FARS2: variants seen among roughly 807,000 people sequenced by gnomAD.
FARS2 encodes the protein phenylalanine--tRNA ligase, mitochondrial.
In FARS2, 40 loss-of-function variants were observed where a neutral mutation model predicts 46.4. The observed-to-expected ratio is 0.86, with a 90% CI of 0.67 to 1.12. The LOEUF (loss-of-function observed/expected upper bound fraction) is 1.12, where lower values mean the gene tolerates loss of function less well. Ranked by LOEUF, FARS2 falls within the 50% of genes most tolerant of loss-of-function variation. The pLI, the probability that FARS2 is intolerant of heterozygous loss-of-function variation, is 0.00. For synonymous variants in FARS2, 234 were observed against 214.9 expected, an observed-to-expected ratio of 1.09 and a Z score of -0.78; for missense variants, 513 against 567.9, an observed-to-expected ratio of 0.90 and a Z score of 0.98.
intron 6 of FARS2, among the ~76,000 whole-genome samples, chr6:5,627,322 C>A (rs1199001297): frequency 6.6e-6 from 1 of 152,178 alleles, no homozygotes; most frequent in Non-Finnish European, 1.5e-5. Flanking sequence ...CTTTTCTTTG[C>A]TTTCACTTTC....
rs552193461 is a variant in FARS2 at position 5,666,869 on chromosome 6, C to G, written c.1217+53549C>G. Reference sequence around the variant, plus strand: ...TAAAGAAAATGTGGTACATATGCACCGTGGAATACTATGCAACCATACAAA... The same window carrying G: ...TAAAGAAAATGTGGTACATATGCACGGTGGAATACTATGCAACCATACAAA... On this transcript the variant is annotated intron_variant, in intron 6 of 6. Transcript: ENST00000274680. Among the ~76,000 whole-genome samples, 7 of 152,266 alleles carry G rather than the reference C, an allele frequency of 4.6e-5. No individual in the cohort carries two copies. The East Asian group carries it at 1.4e-3, about 29-fold the overall frequency.
intron 4 of FARS2, among the ~76,000 whole-genome samples, chr6:5,435,630 C>T (rs1028189918): frequency 2.0e-4 from 31 of 152,080 alleles, no homozygotes; most frequent in African/African-American, 7.2e-4. Context: ...TACTGAGTCA[C>T]GTCCCCAAAT....
At chr6:5,749,297 G>A (rs1761814072) in intron 6 of FARS2, among the ~76,000 whole-genome samples, 1 of 152,236 alleles carries the variant, frequency 6.6e-6, no homozygotes, top group African/African-American at 2.4e-5. Context: ...GGACAGGCAG[G>A]CTGGCTAAGC....
intron 4 of FARS2, among the ~76,000 whole-genome samples, chr6:5,539,153 C>T (rs1770406705): frequency 6.6e-6 from 1 of 151,914 alleles, no homozygotes; most frequent in Non-Finnish European, 1.5e-5. Context: ...GCCTTCCTTT[C>T]CCCCATCAAC....
chr6:5,448,490 C>A (rs1362071069), intron 4 of FARS2, among the ~76,000 whole-genome samples: 22 of 145,156 alleles, frequency 1.5e-4, no homozygotes, highest in Admixed American at 7.6e-4. Flanking sequence ...TTTTCACTTA[C>A]AGTGTATTTT....
chr6:5,606,122 A>G (rs1359923073), intron 5 of FARS2, among the ~76,000 whole-genome samples: 1 of 152,056 alleles, frequency 6.6e-6, no homozygotes, highest in African/African-American at 2.4e-5. Context: ...GGAATGGCAG[A>G]GAAGTAGGGC....
At chr6:5,573,169 G>C (rs1215121718) in intron 5 of FARS2, among the ~76,000 whole-genome samples, 1 of 152,154 alleles carries the variant, frequency 6.6e-6, no homozygotes. Context: ...AGTCTCTGTT[G>C]TGATACAGAC....
chr6:5,272,515 C>T (rs1581661840), intron 1 of FARS2: 1 of 151,794 alleles, frequency 6.6e-6, no homozygotes, highest in Admixed American at 6.6e-5. Context: ...GTCTCAGATT[C>T]TTTTATTTAT....
At chr6:5,758,210 T>A (rs887115774) in intron 6 of FARS2, among the ~76,000 whole-genome samples, 3 of 151,970 alleles carry the variant, frequency 2.0e-5, no homozygotes, top group Non-Finnish European at 2.9e-5. Context: ...TTTTTTTTTT[T>A]AAAGAATTTT....
chr6:5,514,236 A>G (rs985058191), intron 4 of FARS2, among the ~76,000 whole-genome samples: 1 of 152,194 alleles, frequency 6.6e-6, no homozygotes, highest in Non-Finnish European at 1.5e-5. Context: ...CCACCTAGTT[A>G]AAGCAAGTTT....
chr6:5,440,691 T>C (rs978702991), intron 4 of FARS2, among the ~76,000 whole-genome samples: 3 of 152,188 alleles, frequency 2.0e-5, no homozygotes, highest in South Asian at 2.1e-4. Flanking sequence ...TTTGTTGTTA[T>C]TGTTTTTTAG....
chr6:5,763,960 A>G (rs969175215), intron 6 of FARS2, among the ~76,000 whole-genome samples: 1 of 152,002 alleles, frequency 6.6e-6, no homozygotes, highest in Non-Finnish European at 1.5e-5. Context: ...GTCAGAGTCC[A>G]AACTCTGAGG....
At chr6:5,668,524 G>C (rs951633085) in intron 6 of FARS2, among the ~76,000 whole-genome samples, 1 of 152,148 alleles carries the variant, frequency 6.6e-6, no homozygotes, top group African/African-American at 2.4e-5. Flanking sequence ...TTGAGGTTTA[G>C]ATGTTTTTTA....
At position 5,469,253 on chromosome 6, in the gene FARS2, G is replaced by A. The variant is rs114928192; in HGVS notation, c.904+38081G>A. Among the ~76,000 whole-genome samples, 1,342 of 152,208 alleles carry A rather than the reference G, an allele frequency of 8.8e-3. 9 individuals carry two copies. The highest frequency in any genetic ancestry group is 0.031 in the African/African-American group (1,280 of 41,526). On this transcript the variant is annotated intron_variant, in intron 4 of 6. Coordinates refer to ENST00000274680, the MANE Select transcript of FARS2 (RefSeq NM_006567.5). ...GCTATCATCACTCACCACTTGCTTG[G>A]TCCACCGAGGTTCCTGTCCTGTGCG...
At chr6:5,458,346 A>G (rs2552289) in intron 4 of FARS2, among the ~76,000 whole-genome samples, 133,633 of 152,210 alleles carry the variant, frequency 0.88, 58,851 homozygotes, top group East Asian at 0.98. Context: ...CAAGAAGCCT[A>G]GGCTGGCAAA....
At chr6:5,715,705 T>C (rs1260036228) in intron 6 of FARS2, among the ~76,000 whole-genome samples, 1 of 152,264 alleles carries the variant, frequency 6.6e-6, no homozygotes, top group East Asian at 1.9e-4. Flanking sequence ...TATGCCATAC[T>C]TATCCATTCA....
At chr6:5,321,788 A>G (rs999501039) in intron 1 of FARS2, among the ~76,000 whole-genome samples, 3 of 152,212 alleles carry the variant, frequency 2.0e-5, no homozygotes, top group Non-Finnish European at 4.4e-5. Flanking sequence ...AATCTGCCTT[A>G]TATATTGATT....
intron 1 of FARS2, among the ~76,000 whole-genome samples, chr6:5,334,606 A>T (rs1255234325): frequency 6.6e-6 from 1 of 152,214 alleles, no homozygotes; most frequent in Admixed American, 6.5e-5. Context: ...TTACCAGACA[A>T]GAAGAGGTGC....
chr6:5,475,416 C>G (rs1166305893), intron 4 of FARS2, among the ~76,000 whole-genome samples: 2 of 152,162 alleles, frequency 1.3e-5, no homozygotes, highest in Non-Finnish European at 2.9e-5. Context: ...AATGCTCAGC[C>G]AAGGAGTTTA....
Sources: gnomAD v4.1 joint callset for allele counts (sites outside exome capture counted in the v4.1 genomes callset) on GRCh38, gnomAD v4.1.1 for gene constraint, MANE v1.5 for transcripts, NCBI Gene and HGNC (gene_info 2026-07-23, HGNC 2026-07-21) for gene names.